The following ATP8A2 variants were observed in gnomAD, a reference collection of about 807,000 sequenced individuals.
ATP8A2 encodes the protein ATPase phospholipid transporting 8A2.
In ATP8A2, 100 loss-of-function variants were observed where a neutral mutation model predicts 165.6. The ratio of observed to expected loss-of-function variants is 0.60; its 90% confidence interval spans 0.51 to 0.71. ATP8A2 has a LOEUF of 0.71. Among genes scored for constraint, ATP8A2 ranks in the 30% least tolerant of loss-of-function variants. The pLI is 0.00. For synonymous variants in ATP8A2, 543 were observed against 548.8 expected (o/e 0.99, Z 0.15); for missense variants, 1,227 against 1,479.5 (o/e 0.83, Z 2.80).
chr13:25,571,836 A>G (rs2039475926), intron 18 of ATP8A2, 144 bp downstream of exon 18: 1 of 780,340 alleles, frequency 1.3e-6, no homozygotes, highest in Non-Finnish European at 2.3e-6. Context: ...AGTTAATGTG[A>G]TTATATTAGC....
intron 24 of ATP8A2, among the ~76,000 whole-genome samples, chr13:25,681,639 AATAGAGGT>A (rs1263161233): frequency 5.3e-5 from 8 of 152,206 alleles, no homozygotes; most frequent in Non-Finnish European, 1.0e-4. Context: ...GAAAAAGAAA[AATAGAGGT>A]AGTCTGAACT....
At chr13:25,646,270 CTT>C (rs1337063884) in intron 24 of ATP8A2, among the ~76,000 whole-genome samples, 2 of 152,012 alleles carry the variant, frequency 1.3e-5, no homozygotes, top group African/African-American at 4.8e-5. Flanking sequence ...AGTGAAATAT[CTT>C]TTTCTATCTC....
At chr13:25,740,735 G>A (rs2043893728) in intron 25 of ATP8A2, among the ~76,000 whole-genome samples, 1 of 152,168 alleles carries the variant, frequency 6.6e-6, no homozygotes, top group South Asian at 2.1e-4. Flanking sequence ...GCTTAAATTG[G>A]TTGGAGCTTA....
At chr13:25,963,162 G>A (rs1303886984) in intron 34 of ATP8A2, among the ~76,000 whole-genome samples, 1 of 152,070 alleles carries the variant, frequency 6.6e-6, no homozygotes, top group South Asian at 2.1e-4. Flanking sequence ...TTGGGAGGCC[G>A]AGGTGGGTGG....
intron 27 of ATP8A2, among the ~76,000 whole-genome samples, chr13:25,783,932 G>A (rs887695655): frequency 6.6e-6 from 1 of 152,164 alleles, no homozygotes; most frequent in Non-Finnish European, 1.5e-5. Flanking sequence ...ATAGAGCTGG[G>A]AGTTTATTGG....
chr13:25,631,212 G>T (rs374972105), intron 24 of ATP8A2, among the ~76,000 whole-genome samples: 1 of 151,620 alleles, frequency 6.6e-6, no homozygotes, highest in Non-Finnish European at 1.5e-5. Context: ...TGTCCAACAG[G>T]ACTTTCTGCA....
chr13:26,010,735 A>G (rs1016528967), intron 35 of ATP8A2, among the ~76,000 whole-genome samples: 2 of 152,288 alleles, frequency 1.3e-5, no homozygotes, highest in South Asian at 2.1e-4. Flanking sequence ...ACCCGGTGAG[A>G]TTAATTTGGC....
At chr13:25,809,063 T>G (rs1268285221) in intron 27 of ATP8A2, among the ~76,000 whole-genome samples, 1 of 152,202 alleles carries the variant, frequency 6.6e-6, no homozygotes, top group African/African-American at 2.4e-5. Flanking sequence ...TTGTCTGACT[T>G]GGACAATGAC....
At chr13:25,869,056 G>A (rs991624288) in intron 33 of ATP8A2, among the ~76,000 whole-genome samples, 4 of 118,090 alleles carry the variant, frequency 3.4e-5, no homozygotes, top group Non-Finnish European at 4.8e-5. Flanking sequence ...GCGACACAGC[G>A]AGACTCCGTC....
At position 26,014,697 on chromosome 13, in the gene ATP8A2, G is replaced by A. The variant is rs570684366; in HGVS notation, c.3469+2075G>A. ...ACTATTGGGTTGGTTTCAATTAGGA[G>A]GATTAAATGAGATCATAAAGATAAA... On this transcript the variant is annotated intron_variant, in intron 36 of 36. Transcript: ENST00000381655. Among the ~76,000 whole-genome samples the A allele has an allele frequency of 8.3e-4, 127 of 152,104 alleles. 1 individual carries two copies. Among genetic ancestry groups the A allele is most frequent in the African/African-American group, 2.2e-3 (91 of 41,492 alleles).
Position 25,740,081 on chromosome 13 carries a change from G to A in ATP8A2, c.2385-28965G>A, listed in dbSNP as rs532701884. ...TCCCAGCACTTTGGGAGGCCGAGACGGGCGGATCACAAGGTCAGGAGATCG... is the reference window on the plus strand; with the variant it reads ...TCCCAGCACTTTGGGAGGCCGAGACAGGCGGATCACAAGGTCAGGAGATCG... On this transcript the variant is annotated intron_variant, in intron 25 of 36. Transcript: ENST00000381655. Among the ~76,000 whole-genome samples, 40 of 152,248 alleles carry A rather than the reference G, an allele frequency of 2.6e-4. 1 individual carries two copies. Among genetic ancestry groups the A allele is most frequent in the African/African-American group, 8.9e-4 (37 of 41,550 alleles).
intron 30 of ATP8A2, among the ~76,000 whole-genome samples, chr13:25,855,443 T>A (rs1481066848): frequency 6.6e-6 from 1 of 152,208 alleles, no homozygotes; most frequent in African/African-American, 2.4e-5. Context: ...TTGTAGCATG[T>A]ATCAGTACTT....
At chr13:25,765,267 A>C (rs558847972) in intron 25 of ATP8A2, among the ~76,000 whole-genome samples, 1 of 152,226 alleles carries the variant, frequency 6.6e-6, no homozygotes, top group African/African-American at 2.4e-5. Context: ...TTCATAATAC[A>C]CCAAAATAGG....
chr13:25,779,543 A>T (rs1295899396), intron 27 of ATP8A2, among the ~76,000 whole-genome samples: 2 of 152,168 alleles, frequency 1.3e-5, no homozygotes, highest in African/African-American at 2.4e-5. Flanking sequence ...GCTCAGTCGG[A>T]GTAGTATTGC....
rs781085789 is a variant in ATP8A2, at chr13:25,881,578, GGAGAGAGAGAGAGAGAAA to G, written c.3183+19201_3183+19218del. On this transcript the variant is annotated intron_variant, in intron 33 of 36. Coordinates refer to ENST00000381655, the MANE Select transcript of ATP8A2 (RefSeq NM_016529.6). The stretch of plus-strand genomic sequence containing the variant: ...TAGACTAGGTAAACGTGTCCTCCAT[GGAGAGAGAGAGAGAGAAA>G]GAGAGAGAGAGAGAGAAAGAGAGAG... 2.5e-3 allele frequency among the ~76,000 whole-genome samples: 378 copies of G among 149,736 alleles called. 2 individuals carry two copies. The highest frequency in any genetic ancestry group is 7.9e-3 in the African/African-American group (321 of 40,786).
chr13:25,561,234 T>C (rs2039144449), intron 15 of ATP8A2, among the ~76,000 whole-genome samples: 1 of 152,214 alleles, frequency 6.6e-6, no homozygotes, highest in East Asian at 1.9e-4. Flanking sequence ...TTCTCAGAAG[T>C]GTCTTTGTAT....
chr13:25,493,302 T>G (rs2036579670), intron 2 of ATP8A2, among the ~76,000 whole-genome samples: 1 of 152,228 alleles, frequency 6.6e-6, no homozygotes, highest in South Asian at 2.1e-4. Flanking sequence ...TAGCCTTTCC[T>G]TTCTTTTTGC....
At position 25,409,302 on chromosome 13, in the gene ATP8A2, A is replaced by G. The variant is rs760453238; in HGVS notation, c.76+37014A>G. Among the ~76,000 whole-genome samples the G allele has an allele frequency of 3.3e-5, 5 of 152,184 alleles. No homozygotes were observed. The East Asian group carries it at 5.8e-4, about 18-fold the overall frequency. Reference sequence around the variant, plus strand: ...TCAGGGAGAAAGGGAATAATTATGGACATTTATATATCACCCTGAGCATAA... The same window carrying G: ...TCAGGGAGAAAGGGAATAATTATGGGCATTTATATATCACCCTGAGCATAA... On this transcript the variant is annotated intron_variant, in intron 1 of 36. Transcript: ENST00000381655.
intron 2 of ATP8A2, among the ~76,000 whole-genome samples, chr13:25,529,770 A>G (rs1409568209): frequency 6.6e-6 from 1 of 152,218 alleles, no homozygotes; most frequent in African/African-American, 2.4e-5. Flanking sequence ...AAGCACATGT[A>G]TATCTTCCAA....
Sources: allele counts gnomAD v4.1 joint callset (sites outside exome capture counted in the v4.1 genomes callset), GRCh38; gene constraint gnomAD v4.1.1; transcripts MANE v1.5; gene names NCBI Gene and HGNC (gene_info 2026-07-23, HGNC 2026-07-21).